Variants in DCAF8L2 observed in about 807,000 individuals in gnomAD.
The protein encoded by DCAF8L2 is DDB1- and CUL4-associated factor 8-like protein 2.
For synonymous variants in DCAF8L2, 200 were observed against 190.9 expected (o/e 1.05, Z -0.39); for missense variants, 430 against 490.7 (o/e 0.88, Z 1.17).
intron 2 of DCAF8L2, among the ~76,000 whole-genome samples, chrX:27,651,945 C>A (rs1024726913): frequency 9.1e-6 from 1 of 110,239 alleles, no homozygotes; most frequent in Non-Finnish European, 1.9e-5. Context: ...ACTACTACAA[C>A]AACATATTTT....
At chrX:27,521,735 A>G in the DCAF8L2 span, among the ~76,000 whole-genome samples, 11 of 111,796 alleles carry the variant, frequency 9.8e-5, no homozygotes, top group Admixed American at 1.9e-4. Context: ...TACTTTTGCT[A>G]TTTTTCACAA....
chrX:27,647,395 C>T (rs1373544976), intron 2 of DCAF8L2, among the ~76,000 whole-genome samples: 1 of 110,981 alleles, frequency 9.0e-6, no homozygotes, highest in Non-Finnish European at 1.9e-5. Flanking sequence ...ACAACACACA[C>T]TGGCACTTGT....
intron 2 of DCAF8L2, among the ~76,000 whole-genome samples, chrX:27,644,258 C>T (rs1253067628): frequency 8.9e-6 from 1 of 112,228 alleles, no homozygotes; most frequent in Admixed American, 9.4e-5. Flanking sequence ...CACACATACA[C>T]GTTTAATTTG....
chrX:27,691,105 GAC>G (rs1930694860), intron 3 of DCAF8L2, among the ~76,000 whole-genome samples: 1 of 111,600 alleles, frequency 9.0e-6, no homozygotes, highest in Admixed American at 9.6e-5. Flanking sequence ...CTATCAGAAT[GAC>G]ATTTAATATA....
chrX:27,491,620 T>G, the DCAF8L2 span, among the ~76,000 whole-genome samples: 1 of 112,374 alleles, frequency 8.9e-6, no homozygotes, highest in Non-Finnish European at 1.9e-5. Context: ...GTGGCAGGCA[T>G]TTTGAGAATG....
At chrX:27,530,190 C>T in the DCAF8L2 span, among the ~76,000 whole-genome samples, 1 of 110,818 alleles carries the variant, frequency 9.0e-6, no homozygotes, top group African/African-American at 3.3e-5. Context: ...GGAAGGGCCT[C>T]TCAGGGGAAG....
chrX:27,490,868 T>C, the DCAF8L2 span, among the ~76,000 whole-genome samples: 18 of 111,660 alleles, frequency 1.6e-4, no homozygotes, highest in African/African-American at 5.5e-4. Context: ...TGGTCTCCAA[T>C]GTCTACTGTT....
intron 1 of DCAF8L2, among the ~76,000 whole-genome samples, chrX:27,607,089 G>A (rs765137596): frequency 9.0e-6 from 1 of 111,620 alleles, no homozygotes; most frequent in Admixed American, 9.6e-5. Context: ...AAGGAGGCTA[G>A]AAATATAGTA....
At chrX:27,621,904 G>A (rs1167313388) in intron 1 of DCAF8L2, among the ~76,000 whole-genome samples, 1 of 110,364 alleles carries the variant, frequency 9.1e-6, no homozygotes, top group African/African-American at 3.3e-5. Flanking sequence ...TGAGGTGGGA[G>A]GATTGCTGAG....
chrX:27,573,056 G>A, the DCAF8L2 span, among the ~76,000 whole-genome samples: 2 of 109,859 alleles, frequency 1.8e-5, no homozygotes, highest in African/African-American at 3.3e-5. Context: ...TGGTTCCTAT[G>A]GACCCAACTT....
chrX:27,513,308 C>T, the DCAF8L2 span, among the ~76,000 whole-genome samples: 2 of 111,641 alleles, frequency 1.8e-5, no homozygotes, highest in African/African-American at 3.3e-5. Flanking sequence ...GAAGAGGCAA[C>T]CTACAGAATG....
At chrX:27,584,787 G>A in the DCAF8L2 span, among the ~76,000 whole-genome samples, 4 of 111,719 alleles carry the variant, frequency 3.6e-5, no homozygotes, top group Non-Finnish European at 5.6e-5. Context: ...AAATGGTATC[G>A]TTCTATAATT....
rs1031214366 is a variant in DCAF8L2, at chrX:27,597,127, T to C, written c.-342+6687T>C. On this transcript the variant is annotated intron_variant, in intron 1 of 4. Coordinates refer to ENST00000451261, the MANE Select transcript of DCAF8L2 (RefSeq NM_001353450.2). Reference sequence around the variant, plus strand: ...TTTCACATATGTAAAATAAATATTATCTAAGAGCTTATTACAATGATGATT... The same window carrying C: ...TTTCACATATGTAAAATAAATATTACCTAAGAGCTTATTACAATGATGATT... 1.2e-4 allele frequency among the ~76,000 whole-genome samples: 14 copies of C among 112,047 alleles called. No homozygotes were observed. The East Asian group carries it at 3.1e-3, about 25-fold the overall frequency.
chrX:27,564,296 C>A, the DCAF8L2 span, among the ~76,000 whole-genome samples: 2 of 111,017 alleles, frequency 1.8e-5, no homozygotes, highest in Non-Finnish European at 3.8e-5. Flanking sequence ...CCCCATGATT[C>A]AATTACTTCC....
At chrX:27,490,671 A>C in the DCAF8L2 span, among the ~76,000 whole-genome samples, 2 of 110,713 alleles carry the variant, frequency 1.8e-5, no homozygotes, top group Non-Finnish European at 3.8e-5. Context: ...CATATTAGCC[A>C]GTCTGGTCTC....
chrX:27,514,682 A>AAAAAAAAAAAAAAC, the DCAF8L2 span, among the ~76,000 whole-genome samples: 26 of 61,619 alleles, frequency 4.2e-4, 1 homozygote, highest in Non-Finnish European at 6.3e-4. Flanking sequence ...AAAAAAAAAA[A>AAAAAAAAAAAAAAC]AAAAAAAAAA....
At chrX:27,514,451 C>T in the DCAF8L2 span, among the ~76,000 whole-genome samples, 1 of 108,126 alleles carries the variant, frequency 9.2e-6, no homozygotes, top group Non-Finnish European at 1.9e-5. Context: ...AGGCGGATCA[C>T]GAGGTCAGGA....
chrX:27,660,180 G>A (rs6526694), intron 2 of DCAF8L2, among the ~76,000 whole-genome samples: 30,646 of 109,460 alleles, frequency 0.28, 3,978 homozygotes, highest in African/African-American at 0.5. Flanking sequence ...CCACCATCAC[G>A]CCCGGCTAAC....
At chrX:27,738,976 C>T (rs771519671) in intron 4 of DCAF8L2, among the ~76,000 whole-genome samples, 3 of 111,208 alleles carry the variant, frequency 2.7e-5, no homozygotes, top group Admixed American at 9.6e-5. Context: ...TCCACCTGTG[C>T]GTTGAATCCT....
Sources: allele counts gnomAD v4.1 joint callset (sites outside exome capture counted in the v4.1 genomes callset), GRCh38; gene constraint gnomAD v4.1.1; transcripts MANE v1.5; gene names NCBI Gene and HGNC (gene_info 2026-07-23, HGNC 2026-07-21).